The following LHX2 variants were observed in gnomAD, a reference collection of about 807,000 sequenced individuals.
LHX2 encodes the protein LIM homeobox 2.
In LHX2, 6 loss-of-function variants were observed where a neutral mutation model predicts 33.0. That is an observed-to-expected ratio of 0.18 (90% confidence interval 0.10 to 0.36). The LOEUF is 0.36. Ranked by LOEUF, LHX2 falls within the 10% of genes least tolerant of loss-of-function variation. The pLI, the probability that LHX2 is intolerant of heterozygous loss-of-function variation, is 1.00. For synonymous variants in LHX2, 292 were observed against 253.1 expected, an observed-to-expected ratio of 1.15 and a Z score of -1.46; for missense variants, 442 against 586.2, an observed-to-expected ratio of 0.75 and a Z score of 2.54.
rs763057490 is a variant in LHX2, at chr9:124,015,143, C to T, written c.345C>T (p.Cys115=). ...ACAGGCGCTTCTCTGTGCAGCGCTGCGCCCGCTGCCACCTGGGCATCTCGG... is the reference window on the plus strand; with the variant it reads ...ACAGGCGCTTCTCTGTGCAGCGCTGTGCCCGCTGCCACCTGGGCATCTCGG... ...DYYRRFSVQR[C]ARCHLGISAS... Residue 115 remains cysteine (C), a synonymous_variant, in exon 3 of 5, where the codon TGC becomes TGT. Coordinates refer to ENST00000373615, the MANE Select transcript of LHX2 (RefSeq NM_004789.4). The surrounding 1 kb of genome is among the most constrained non-coding windows in gnomAD (Gnocchi z 7.9). 3.1e-6 allele frequency: 5 copies of T among 1,613,496 alleles called. No individual in the cohort carries two copies. The highest frequency in any genetic ancestry group is 3.3e-5 in the Admixed American group (2 of 60,034).
chr9:124,013,882 G>C, intron 1 of LHX2, 79 bp from the exon 2 acceptor site: 2 of 1,367,316 alleles, frequency 1.5e-6, no homozygotes, highest in Non-Finnish European at 2.0e-6. Context: ...AGAGGGAGTT[G>C]TGGGTGCCGG....
chr9:124,018,645 G>A (rs141614846), intron 3 of LHX2, among the ~76,000 whole-genome samples: 1 of 151,906 alleles, frequency 6.6e-6, no homozygotes, highest in Non-Finnish European at 1.5e-5. Context: ...CACAAGCTGC[G>A]CCTGTTTCCG....
Position 124,015,395 on chromosome 9 carries a change from G to A in LHX2, c.597G>A (p.Ala199=), listed in dbSNP as rs761667985. 4 of 1,608,202 alleles carry A rather than the reference G, an allele frequency of 2.5e-6. No homozygotes were observed. Among genetic ancestry groups the A allele is most frequent in the South Asian group, 1.1e-5 (1 of 90,748 alleles). The stretch of plus-strand genomic sequence containing the variant: ...CTGCAGCCGCGGCGGCCAAGAGCGC[G>A]GGGCTGGGCGCAGCAGGGGCCAACC... The part of the protein sequence containing the change: ...AAAAAAAAKS[A]GLGAAGANPL... The change falls in exon 3 of 5, where the codon GCG becomes GCA. Residue 199 remains alanine, a synonymous_variant. Transcript: ENST00000373615. This position sits in a 1 kb window ranked among gnomAD's most constrained non-coding sequence, Gnocchi z 7.9.
chr9:124,014,241 T>G lies in LHX2; in HGVS notation c.323+78T>G. Reference sequence around the variant, plus strand: ...CAGTCTTACAGTTTGGCCCTCTCCTTTCCGTTTAGTCCCAGGAGAGGGTTC... The same window carrying G: ...CAGTCTTACAGTTTGGCCCTCTCCTGTCCGTTTAGTCCCAGGAGAGGGTTC... On this transcript the variant is annotated intron_variant, in intron 2 of 4. Coordinates refer to ENST00000373615, the MANE Select transcript of LHX2 (RefSeq NM_004789.4). The surrounding 1 kb of genome is among the most constrained non-coding windows in gnomAD (Gnocchi z 4.8). 1 of 910,706 alleles carries G rather than the reference T, an allele frequency of 1.1e-6. No homozygotes were observed. The highest frequency in any genetic ancestry group is 1.7e-6 in the Non-Finnish European group (1 of 578,052). The allele number at this position is 910,706 out of a possible 1,614,324, so 56.4% of individuals were successfully genotyped here.
At position 124,012,460 on chromosome 9, in the gene LHX2, A is replaced by G. The variant is rs757223404; in HGVS notation, c.112A>G (p.Thr38Ala). The change falls in exon 1 of 5, where the codon ACC becomes GCC. Residue 38 changes from threonine (T) to alanine (A), a missense_variant. Around this residue, in one of 5 missense-constraint regions of LHX2, gnomAD observed 97 missense variants for 81.5 expected, o/e 1.19. Transcript: ENST00000373615. The surrounding 1 kb of genome is among the most constrained non-coding windows in gnomAD (Gnocchi z 4.3). ...AISSAIDRGD[T>A]ETTMPSISSD... ...CAGCTCCGCCATCGACCGCGGCGACACCGAGACGGTAGGCGCGCGGCTGTG... is the reference window on the plus strand; with the variant it reads ...CAGCTCCGCCATCGACCGCGGCGACGCCGAGACGGTAGGCGCGCGGCTGTG... 1.3e-6 allele frequency: 2 copies of G among 1,545,940 alleles called. No homozygotes were observed. Among genetic ancestry groups the G allele is most frequent in the East Asian group, 4.9e-5 (2 of 40,786 alleles).
At chr9:124,028,388 G>A (rs1828660007) in intron 4 of LHX2, among the ~76,000 whole-genome samples, 1 of 152,192 alleles carries the variant, frequency 6.6e-6, no homozygotes, top group Non-Finnish European at 1.5e-5. Context: ...CTTGAGGCAT[G>A]TGAAAAGAGA....
Position 124,012,200 on chromosome 9 carries a change from G to C in LHX2, c.-149G>C. On this transcript the variant is annotated 5_prime_UTR_variant, in exon 1 of 5. Coordinates refer to ENST00000373615, the MANE Select transcript of LHX2 (RefSeq NM_004789.4). The surrounding 1 kb of genome is among the most constrained non-coding windows in gnomAD (Gnocchi z 4.3). ...CGCGAGCGCCCGGGGCCCGGAGCCC[G>C]GCCTGGGGGCTCAGCCGAGCTCGGG... 1.3e-6 allele frequency: 1 copy of C among 756,788 alleles called. No individual in the cohort carries two copies. Among genetic ancestry groups the C allele is most frequent in the Non-Finnish European group, 1.7e-6 (1 of 582,360 alleles). The allele number at this position is 756,788 out of a possible 1,614,324, so 46.9% of individuals were successfully genotyped here.
Position 124,011,935 on chromosome 9 carries a change from C to T in LHX2, c.-414C>T, listed in dbSNP as rs955761522. ...CACCTAGCGGCTTCAGGGTGAACCCCGACCGCAGCCGTCGCCGCCTCGGGC... is the reference window on the plus strand; with the variant it reads ...CACCTAGCGGCTTCAGGGTGAACCCTGACCGCAGCCGTCGCCGCCTCGGGC... On this transcript the variant is annotated 5_prime_UTR_variant, in exon 1 of 5. Transcript: ENST00000373615. The T allele has an allele frequency of 6.6e-6, 1 of 152,162 alleles. No individual in the cohort carries two copies. The highest frequency in any genetic ancestry group is 2.4e-5 in the African/African-American group (1 of 41,442). The allele number at this position is 152,162 out of a possible 1,614,324, so 9.4% of individuals were successfully genotyped here.
In LHX2 at chr9:124,012,234, G is replaced by A; in HGVS notation, c.-115G>A. 9.0e-7 allele frequency: 1 copy of A among 1,109,356 alleles called. No individual in the cohort carries two copies. Among genetic ancestry groups the A allele is most frequent in the Non-Finnish European group, 1.1e-6 (1 of 877,990 alleles). 68.7% of individuals were successfully genotyped at this position (1,109,356 alleles called of 1,614,324 possible). On this transcript the variant is annotated 5_prime_UTR_variant, in exon 1 of 5. Coordinates refer to ENST00000373615, the MANE Select transcript of LHX2 (RefSeq NM_004789.4). This position sits in a 1 kb window ranked among gnomAD's most constrained non-coding sequence, Gnocchi z 4.3. The stretch of plus-strand genomic sequence containing the variant: ...GCTCAGCCGAGCTCGGGCGGGGCCG[G>A]GGCCGCGGTGGCGATGCACCGGGCC...
chr9:124,014,961 G>T lies in LHX2; in HGVS notation c.324-161G>T. ...TATTTTAGGACAGGACCAGGCCTGG[G>T]TCAAAATCTAGTTCTCTCTCCCCCC... On this transcript the variant is annotated intron_variant, in intron 2 of 4. Coordinates refer to ENST00000373615, the MANE Select transcript of LHX2 (RefSeq NM_004789.4). This position sits in a 1 kb window ranked among gnomAD's most constrained non-coding sequence, Gnocchi z 4.8. 1.4e-6 allele frequency: 1 copy of T among 733,488 alleles called. No individual in the cohort carries two copies. Among genetic ancestry groups the T allele is most frequent in the Non-Finnish European group, 2.2e-6 (1 of 453,040 alleles). 45.4% of individuals were successfully genotyped at this position (733,488 alleles called of 1,614,324 possible).
chr9:124,023,622 G>C (rs943637022), intron 4 of LHX2, among the ~76,000 whole-genome samples: 1 of 152,218 alleles, frequency 6.6e-6, no homozygotes, highest in East Asian at 1.9e-4. Context: ...TGAAGAGTAA[G>C]TACCCATAGT....
In LHX2 at chr9:124,012,421, G is replaced by A; in HGVS notation, c.73G>A (p.Glu25Lys). The A allele has an allele frequency of 6.5e-7, 1 of 1,537,764 alleles. No individual in the cohort carries two copies. Among genetic ancestry groups the A allele is most frequent in the African/African-American group, 1.4e-5 (1 of 72,314 alleles). The change falls in exon 1 of 5, where the codon GAG becomes AAG. Residue 25 changes from glutamate to lysine, a missense_variant. Transcript: ENST00000373615. The surrounding 1 kb of genome is among the most constrained non-coding windows in gnomAD (Gnocchi z 4.3). Reference sequence around the variant, plus strand: ...CGAGATGGACCGCAGGGCCAAGAGCGAGGCTCCCGCCATCAGCTCCGCCAT... The same window carrying A: ...CGAGATGGACCGCAGGGCCAAGAGCAAGGCTCCCGCCATCAGCTCCGCCAT... ...IDEMDRRAKS[E>K]APAISSAIDR...
intron 4 of LHX2, among the ~76,000 whole-genome samples, chr9:124,022,891 G>T (rs1315149789): frequency 6.6e-6 from 1 of 152,214 alleles, no homozygotes; most frequent in Non-Finnish European, 1.5e-5. Context: ...ACTGGGTGAC[G>T]TAGCCGAGGG....
At position 124,032,621 on chromosome 9, in the gene LHX2, A is replaced by T. The variant is rs533321722; in HGVS notation, c.1135A>T (p.Thr379Ser). Residue 379 changes from threonine to serine, a missense_variant, in exon 5 of 5, where the codon ACG becomes TCG. Thr to Ser is a moderately conservative substitution (Grantham distance 58). Around this residue, in one of 5 missense-constraint regions of LHX2, gnomAD observed 109 missense variants for 98.7 expected, o/e 1.10. Transcript: ENST00000373615. This position sits in a 1 kb window ranked among gnomAD's most constrained non-coding sequence, Gnocchi z 4.1. Reference protein sequence around the residue: ...DLTSPTLPTVTSVLTSVPGNL... With the variant: ...DLTSPTLPTVSSVLTSVPGNL... ...GACTAGCCCCACCCTGCCAACTGTG[A>T]CGTCCGTCTTAACTTCTGTGCCTGG... 2 of 1,614,016 alleles carry T rather than the reference A, an allele frequency of 1.2e-6. No individual in the cohort carries two copies. Among genetic ancestry groups the T allele is most frequent in the Admixed American group, 1.7e-5 (1 of 59,990 alleles).
In LHX2 at chr9:124,016,883, C is replaced by T. The variant is rs939518898; in HGVS notation, c.727+1358C>T. Among the ~76,000 whole-genome samples the T allele has an allele frequency of 6.6e-6, 1 of 152,168 alleles. No homozygotes were observed. Among genetic ancestry groups the T allele is most frequent in the African/African-American group, 2.4e-5 (1 of 41,442 alleles). On this transcript the variant is annotated intron_variant, in intron 3 of 4. Coordinates refer to ENST00000373615, the MANE Select transcript of LHX2 (RefSeq NM_004789.4). The surrounding 1 kb of genome is among the most constrained non-coding windows in gnomAD (Gnocchi z 4.4). ...AAAAAAAGACAAAACCGAGTTCAGA[C>T]CGGCTCCCCCAACACCAAGCCGCTT... is the stretch of plus-strand genomic sequence containing the variant.
At chr9:124,021,346 G>C in intron 4 of LHX2, 42 bp downstream of exon 4, 1 of 1,586,950 alleles carries the variant, frequency 6.3e-7, no homozygotes, top group African/African-American at 1.3e-5. Flanking sequence ...GACCACCAGG[G>C]ACTGGGGTGG....
At chr9:124,021,484 T>G (rs1171696143) in intron 4 of LHX2, among the ~76,000 whole-genome samples, 180 bp downstream of exon 4, 1 of 152,244 alleles carries the variant, frequency 6.6e-6, no homozygotes, top group Non-Finnish European at 1.5e-5. Flanking sequence ...TTCAGTCTTT[T>G]TTTTCTTACT....
chr9:124,031,136 G>T (rs1828699663), intron 4 of LHX2, among the ~76,000 whole-genome samples: 1 of 152,106 alleles, frequency 6.6e-6, no homozygotes, highest in Non-Finnish European at 1.5e-5. Context: ...CAGCAGGTCG[G>T]GAGAGAGACT....
rs1383345788 is a variant in LHX2 at position 124,032,461 on chromosome 9, C to T, written c.975C>T (p.Leu325=). 4 of 1,606,930 alleles carry T rather than the reference C, an allele frequency of 2.5e-6. No individual in the cohort carries two copies. In the South Asian group the frequency reaches 3.3e-5, roughly 13 times the overall value. Residue 325 remains leucine, a synonymous_variant, in exon 5 of 5, where the codon CTC becomes CTT. Coordinates refer to ENST00000373615, the MANE Select transcript of LHX2 (RefSeq NM_004789.4). This position sits in a 1 kb window ranked among gnomAD's most constrained non-coding sequence, Gnocchi z 4.1. ...CCCGAGCCAAGTTCAGGCGCAACCT[C>T]TTACGGCAGGAAAACACGGGCGTGG... ...QNARAKFRRN[L]LRQENTGVDK...
Sources: allele counts gnomAD v4.1 joint callset (sites outside exome capture counted in the v4.1 genomes callset), GRCh38; gene constraint gnomAD v4.1.1; regional missense constraint gnomAD v4.1.1; non-coding constraint Gnocchi (gnomAD v3.1); transcripts MANE v1.5; gene names NCBI Gene and HGNC (gene_info 2026-07-23, HGNC 2026-07-21).